Variants in PSD3 observed in about 807,000 individuals in gnomAD.
PSD3 encodes pleckstrin and Sec7 domain containing 3.
A neutral mutation model predicts 105.5 loss-of-function variants in PSD3; 49 were observed. The ratio of observed to expected loss-of-function variants is 0.46; its 90% CI spans 0.37 to 0.59. The LOEUF (loss-of-function observed/expected upper bound fraction) is 0.59. Among genes scored for constraint, PSD3 ranks in the 20% least tolerant of loss-of-function variants. PSD3 has a pLI of 0.00. For synonymous variants in PSD3, 557 were observed against 457.8 expected (o/e 1.22, Z -2.77); for missense variants, 1,561 against 1,263.8 (o/e 1.24, Z -3.57).
At chr8:18,718,013 T>C (rs952476439) in intron 9 of PSD3, among the ~76,000 whole-genome samples, 4 of 152,162 alleles carry the variant, frequency 2.6e-5, no homozygotes, top group African/African-American at 9.6e-5. Flanking sequence ...CATGTGCTTG[T>C]GTATTGCCTC....
At position 18,872,698 on chromosome 8, in the gene PSD3, C is replaced by A; in HGVS notation, c.166G>T (p.Val56Phe). Residue 56 changes from valine (V) to phenylalanine (F), a missense_variant, in exon 3 of 16, where the codon GTC becomes TTC. Physicochemically the swap from Val to Phe is conservative, Grantham distance 50. Transcript: ENST00000327040. ...HGGSTLLPPN[V>F]TNEFPEYGTM... ...CCATATTCTGGAAATTCATTTGTGA[C>A]ATTTGGTGGGAGTAAAGTGCTTCCT... The A allele has an allele frequency of 6.3e-7, 1 of 1,583,468 alleles. No individual in the cohort carries two copies. Among genetic ancestry groups the A allele is most frequent in the Non-Finnish European group, 8.6e-7 (1 of 1,167,406 alleles).
intron 2 of PSD3, among the ~76,000 whole-genome samples, chr8:18,882,969 C>T (rs889518139): frequency 2.0e-5 from 3 of 151,916 alleles, no homozygotes; most frequent in Non-Finnish European, 4.4e-5. Context: ...AGAACATTTC[C>T]GTCATCACAG....
intron 12 of PSD3, among the ~76,000 whole-genome samples, chr8:18,593,316 T>C (rs1327607530): frequency 3.3e-5 from 5 of 152,140 alleles, no homozygotes; most frequent in African/African-American, 9.7e-5. Flanking sequence ...GGGTGAAGGA[T>C]ATGAACAGAC....
At chr8:18,538,509 G>A (rs1033000603) in intron 15 of PSD3, among the ~76,000 whole-genome samples, 1 of 152,042 alleles carries the variant, frequency 6.6e-6, no homozygotes, top group Non-Finnish European at 1.5e-5. Flanking sequence ...AAACAGAAAA[G>A]AACTACCCCC....
At chr8:18,776,923 A>G (rs1354799019) in intron 8 of PSD3, among the ~76,000 whole-genome samples, 1 of 152,084 alleles carries the variant, frequency 6.6e-6, no homozygotes, top group Non-Finnish European at 1.5e-5. Flanking sequence ...TCTTCATAAG[A>G]GTCTCTAATG....
intron 14 of PSD3, among the ~76,000 whole-genome samples, chr8:18,568,478 C>T (rs534543500): frequency 7.2e-6 from 1 of 138,370 alleles, no homozygotes; most frequent in Non-Finnish European, 1.7e-5. Context: ...TGAGGTGAGA[C>T]TCCAGAAGCA....
In PSD3 at chr8:18,776,763, C is replaced by T. The variant is rs529544878; in HGVS notation, c.2083-11225G>A. 2.0e-4 allele frequency among the ~76,000 whole-genome samples: 30 copies of T among 152,260 alleles called. No homozygotes were observed. In the South Asian group the frequency reaches 3.3e-3, roughly 17 times the overall value. On this transcript the variant is annotated intron_variant, in intron 8 of 15. Coordinates refer to ENST00000327040, the MANE Select transcript of PSD3 (RefSeq NM_015310.4). ...TTGATGGGAGACCATTTTATTAGTG[C>T]TTTGATCTCGTTACTCATTACTGGT...
chr8:18,595,671 A>G (rs1341488793), intron 12 of PSD3, among the ~76,000 whole-genome samples: 1 of 152,076 alleles, frequency 6.6e-6, no homozygotes, highest in Non-Finnish European at 1.5e-5. Context: ...CTGTCAAGAG[A>G]GAAAGAATGA....
chr8:19,062,713 A>T (rs1320423549), intron 1 of PSD3, among the ~76,000 whole-genome samples: 1 of 152,246 alleles, frequency 6.6e-6, no homozygotes, highest in Non-Finnish European at 1.5e-5. Context: ...AAGTTGTGTT[A>T]TCACTTAAAG....
intron 15 of PSD3, among the ~76,000 whole-genome samples, chr8:18,540,703 C>T (rs151060857): frequency 1.1e-4 from 17 of 152,278 alleles, no homozygotes; most frequent in Admixed American, 7.8e-4. Context: ...TTGCCCTCCA[C>T]GTGCACTCCT....
intron 1 of PSD3, among the ~76,000 whole-genome samples, chr8:18,967,121 G>C (rs1414789820): frequency 6.6e-6 from 1 of 151,876 alleles, no homozygotes; most frequent in Non-Finnish European, 1.5e-5. Flanking sequence ...AGACCTATCA[G>C]CATGGAATCC....
At chr8:19,068,524 C>T (rs1829151161) in intron 1 of PSD3, among the ~76,000 whole-genome samples, 1 of 152,106 alleles carries the variant, frequency 6.6e-6, no homozygotes, top group Admixed American at 6.5e-5. Context: ...GTCCTGGCCT[C>T]AAGCAATCCT....
intron 8 of PSD3, among the ~76,000 whole-genome samples, chr8:18,792,889 C>A (rs968679582): frequency 1.3e-5 from 2 of 152,098 alleles, no homozygotes; most frequent in African/African-American, 4.8e-5. Flanking sequence ...ATGTTTATTG[C>A]GGCACTATTC....
At chr8:18,970,456 C>A (rs1824578935) in intron 1 of PSD3, among the ~76,000 whole-genome samples, 1 of 151,484 alleles carries the variant, frequency 6.6e-6, no homozygotes, top group Non-Finnish European at 1.5e-5. Context: ...CCCTAAAGGT[C>A]TGGAAAAACT....
intron 2 of PSD3, among the ~76,000 whole-genome samples, chr8:18,932,655 C>T (rs941899301): frequency 4.6e-5 from 7 of 152,150 alleles, no homozygotes; most frequent in Admixed American, 4.6e-4. Context: ...GCTCATTTTC[C>T]TCACCTACTT....
At chr8:18,968,501 C>A (rs1353498800) in intron 1 of PSD3, among the ~76,000 whole-genome samples, 3 of 152,196 alleles carry the variant, frequency 2.0e-5, no homozygotes, top group Non-Finnish European at 4.4e-5. Flanking sequence ...ACACGATGCA[C>A]GCTTCTTTAT....
Position 18,530,671 on chromosome 8 carries a change from A to T in PSD3, c.*5072T>A, listed in dbSNP as rs1799597418. The T allele has an allele frequency of 6.6e-6, 1 of 150,414 alleles. No individual in the cohort carries two copies. The highest frequency in any genetic ancestry group is 2.4e-5 in the African/African-American group (1 of 40,922). 9.3% of individuals were successfully genotyped at this position (150,414 alleles called of 1,614,324 possible). On this transcript the variant is annotated 3_prime_UTR_variant, in exon 16 of 16. Transcript: ENST00000327040. ...TGCTCTTAATACTAAAGTTACTAAG[A>T]CTGCACAGGCTGCCTTTTTTTTTTT...
At position 18,955,815 on chromosome 8, in the gene PSD3, C is replaced by G. The variant is rs112347793; in HGVS notation, c.22-19673G>C. Among the ~76,000 whole-genome samples, 74 of 152,096 alleles carry G rather than the reference C, an allele frequency of 4.9e-4. 1 individual carries two copies. The highest frequency in any genetic ancestry group is 1.7e-3 in the African/African-American group (71 of 41,484). On this transcript the variant is annotated intron_variant, in intron 1 of 15. Transcript: ENST00000327040. ...ACGGAGTCTCATTCTGTTGCCCAGGCTGGAGTGTAGTGGTGCGAACTTGGC... is the reference window on the plus strand; with the variant it reads ...ACGGAGTCTCATTCTGTTGCCCAGGGTGGAGTGTAGTGGTGCGAACTTGGC...
Position 18,531,868 on chromosome 8 carries a change from T to C in PSD3, c.*3875A>G, listed in dbSNP as rs917600926. 6.6e-6 allele frequency: 1 copy of C among 152,124 alleles called. No homozygotes were observed. Among genetic ancestry groups the C allele is most frequent in the Non-Finnish European group, 1.5e-5 (1 of 68,022 alleles). 9.4% of individuals were successfully genotyped at this position (152,124 alleles called of 1,614,324 possible). Reference sequence around the variant, plus strand: ...GTCAAGGGATGACTCACTGCTGAAATGAAGAGAGGTGGCTCCCAACCTGCT... The same window carrying C: ...GTCAAGGGATGACTCACTGCTGAAACGAAGAGAGGTGGCTCCCAACCTGCT... On this transcript the variant is annotated 3_prime_UTR_variant, in exon 16 of 16. Transcript: ENST00000327040.
Sources: gnomAD v4.1 joint callset for allele counts (sites outside exome capture counted in the v4.1 genomes callset) on GRCh38, gnomAD v4.1.1 for gene constraint, MANE v1.5 for transcripts, NCBI Gene and HGNC (gene_info 2026-07-23, HGNC 2026-07-21) for gene names.